Variants in PTH2R observed in about 807,000 individuals in gnomAD.
PTH2R encodes PTH2 receptor.
In PTH2R, 59 loss-of-function variants were observed where a neutral mutation model predicts 60.3. The ratio of observed to expected loss-of-function variants is 0.98; its 90% confidence interval spans 0.79 to 1.22. The LOEUF (loss-of-function observed/expected upper bound fraction) is 1.22, where lower values mean the gene tolerates loss of function less well. Among genes scored for constraint, PTH2R ranks in the 50% most tolerant of loss-of-function variants. The probability of loss-of-function intolerance (pLI) is 0.00; values close to 1 mark genes in which losing one functional copy is unlikely to be tolerated. For missense variants in PTH2R, 749 were observed against 682.6 expected, an observed-to-expected ratio of 1.10 and a Z score of -1.08; for synonymous variants, 256 against 243.8, an observed-to-expected ratio of 1.05 and a Z score of -0.47.
chr2:208,470,786 G>A (rs1702864040), intron 9 of PTH2R, among the ~76,000 whole-genome samples: 2 of 152,206 alleles, frequency 1.3e-5, no homozygotes, highest in Non-Finnish European at 2.9e-5. Context: ...TGGGTAACAG[G>A]CAGAGGTTGG....
At chr2:208,365,899 C>A (rs1207968985) in intron 1 of PTH2R, among the ~76,000 whole-genome samples, 8 of 111,856 alleles carry the variant, frequency 7.2e-5, no homozygotes, top group Non-Finnish European at 1.2e-4. Flanking sequence ...CCATGCACAG[C>A]TAATTTATAT....
At chr2:208,455,281 G>A (rs1702487896) in intron 8 of PTH2R, among the ~76,000 whole-genome samples, 1 of 152,140 alleles carries the variant, frequency 6.6e-6, no homozygotes, top group Admixed American at 6.5e-5. Flanking sequence ...ATGTGTAACT[G>A]TATGACCTAG....
At chr2:208,480,937 C>A in intron 9 of PTH2R, 133 bp from the exon 10 acceptor site, 1 of 617,168 alleles carries the variant, frequency 1.6e-6, no homozygotes, top group Non-Finnish European at 2.9e-6. Flanking sequence ...TATCTGATCT[C>A]AGGTTCCCCT....
rs1702391177 is a variant in PTH2R, at chr2:208,450,784, G to A, written c.889G>A (p.Ala297Thr). The change falls in exon 8 of 13, where the codon GCA (alanine) becomes ACA (threonine). Residue 297 changes from alanine (A) to threonine (T), a missense_variant. Transcript: ENST00000272847. ...PAAFVAAWAV[A>T]RATLADARCW... ...AGCATTTGTTGCAGCATGGGCTGTG[G>A]CACGAGCAACTCTGGCTGATGCGAG... 3 of 1,613,888 alleles carry A rather than the reference G, an allele frequency of 1.9e-6. No individual in the cohort carries two copies. The South Asian group carries it at 3.3e-5, about 18-fold the overall frequency.
rs991240298 is a variant in PTH2R at position 208,420,123 on chromosome 2, C to A, written c.76-8078C>A. On this transcript the variant is annotated intron_variant, in intron 1 of 12. Coordinates refer to ENST00000272847, the MANE Select transcript of PTH2R (RefSeq NM_005048.4). Reference sequence around the variant, plus strand: ...ACACAGGAAGGGGAACATCACACACCGGGGACTGTTGTGGGGTGGGGGGAG... The same window carrying A: ...ACACAGGAAGGGGAACATCACACACAGGGGACTGTTGTGGGGTGGGGGGAG... 2.0e-5 allele frequency among the ~76,000 whole-genome samples: 3 copies of A among 146,674 alleles called. No homozygotes were observed. The South Asian group carries it at 7.0e-4, about 34-fold the overall frequency.
intron 2 of PTH2R, among the ~76,000 whole-genome samples, chr2:208,432,594 T>C (rs1437412): frequency 0.033 from 5,037 of 152,170 alleles, 260 homozygotes; most frequent in African/African-American, 0.11. Flanking sequence ...GATCACAGGG[T>C]GAAGTCCCAT....
chr2:208,429,166 G>T (rs1701920521), intron 2 of PTH2R, among the ~76,000 whole-genome samples: 2 of 151,840 alleles, frequency 1.3e-5, no homozygotes, highest in African/African-American at 4.8e-5. Context: ...GTCTTCAAAG[G>T]TATGTATGCC....
chr2:208,476,845 A>G (rs1703015811), intron 9 of PTH2R, among the ~76,000 whole-genome samples: 1 of 152,144 alleles, frequency 6.6e-6, no homozygotes, highest in South Asian at 2.1e-4. Context: ...GGATCCACTG[A>G]AGAACCCCAT....
rs577236647 is a variant in PTH2R, at chr2:208,428,377, T to A, written c.178+74T>A. On this transcript the variant is annotated intron_variant, in intron 2 of 12. Transcript: ENST00000272847. The stretch of plus-strand genomic sequence containing the variant: ...TATAAAGATTGCACATTTCCCTCCT[T>A]CTTTAGTGTTAGGGAGATCCTTATC... 111 of 1,066,678 alleles carry A rather than the reference T, an allele frequency of 1.0e-4. 1 individual carries two copies. In the South Asian group the frequency reaches 1.5e-3, roughly 14 times the overall value. The allele number at this position is 1,066,678 out of a possible 1,614,324, so 66.1% of individuals were successfully genotyped here.
chr2:208,388,616 T>A (rs987460063), intron 1 of PTH2R, among the ~76,000 whole-genome samples: 2 of 152,220 alleles, frequency 1.3e-5, no homozygotes, highest in African/African-American at 4.8e-5. Context: ...AATATGTCTT[T>A]ATGAGTTGTG....
intron 7 of PTH2R, among the ~76,000 whole-genome samples, chr2:208,449,594 T>G (rs1310769159): frequency 6.6e-6 from 1 of 152,012 alleles, no homozygotes; most frequent in Non-Finnish European, 1.5e-5. Flanking sequence ...AAACAAGAAA[T>G]AAAATTGGAA....
At position 208,441,091 on chromosome 2, in the gene PTH2R, C is replaced by T. The variant is rs531894876; in HGVS notation, c.412-1273C>T. 2.0e-5 allele frequency among the ~76,000 whole-genome samples: 3 copies of T among 152,284 alleles called. No homozygotes were observed. The East Asian group carries it at 5.8e-4, about 30-fold the overall frequency. Reference sequence around the variant, plus strand: ...GTGAGCACAAGGCAGCAGCCAATTGCAAGACCAGGCCCCTGAACTTCTGAG... The same window carrying T: ...GTGAGCACAAGGCAGCAGCCAATTGTAAGACCAGGCCCCTGAACTTCTGAG... On this transcript the variant is annotated intron_variant, in intron 4 of 12. Coordinates refer to ENST00000272847, the MANE Select transcript of PTH2R (RefSeq NM_005048.4).
intron 8 of PTH2R, among the ~76,000 whole-genome samples, chr2:208,458,209 T>C (rs1022007575): frequency 2.0e-5 from 3 of 152,134 alleles, no homozygotes; most frequent in South Asian, 4.1e-4. Flanking sequence ...CAATAGATAT[T>C]TATTGACTAC....
intron 7 of PTH2R, among the ~76,000 whole-genome samples, chr2:208,447,648 G>A (rs1702316168): frequency 6.9e-6 from 1 of 144,396 alleles, no homozygotes; most frequent in Non-Finnish European, 1.5e-5. Context: ...TAAATAATAG[G>A]AAGGAAAGGA....
intron 1 of PTH2R, among the ~76,000 whole-genome samples, chr2:208,425,106 C>A (rs751684090): frequency 4.2e-4 from 64 of 152,136 alleles, no homozygotes; most frequent in Non-Finnish European, 7.2e-4. Flanking sequence ...AGCTGCAAAT[C>A]AAAATCAAGC....
At chr2:208,459,714 T>C (rs1423316223) in intron 8 of PTH2R, among the ~76,000 whole-genome samples, 181 bp from the exon 9 acceptor site, 1 of 152,120 alleles carries the variant, frequency 6.6e-6, no homozygotes, top group Non-Finnish European at 1.5e-5. Flanking sequence ...AATATGAAAA[T>C]CAATACCCGT....
At chr2:208,361,773 T>TAAAA (rs1553539452) in intron 1 of PTH2R, among the ~76,000 whole-genome samples, 31 of 151,266 alleles carry the variant, frequency 2.0e-4, no homozygotes, top group African/African-American at 7.0e-4. Flanking sequence ...TTTTTTTTTT[T>TAAAA]AAAAAAAAGG....
chr2:208,411,699 G>GT (rs1186631898), intron 1 of PTH2R, among the ~76,000 whole-genome samples: 2 of 151,804 alleles, frequency 1.3e-5, no homozygotes, highest in Non-Finnish European at 2.9e-5. Context: ...CCTCTGTTTT[G>GT]TTTTTTTCTT....
At chr2:208,376,459 T>C (rs1200297102) in intron 1 of PTH2R, among the ~76,000 whole-genome samples, 1 of 152,116 alleles carries the variant, frequency 6.6e-6, no homozygotes, top group Non-Finnish European at 1.5e-5. Context: ...TAGGCTTTGA[T>C]TGAAGATGAA....
Sources: allele counts gnomAD v4.1 joint callset (sites outside exome capture counted in the v4.1 genomes callset), GRCh38; gene constraint gnomAD v4.1.1; transcripts MANE v1.5; gene names NCBI Gene and HGNC (gene_info 2026-07-23, HGNC 2026-07-21).